ZNF654: variants seen among roughly 807,000 people sequenced by gnomAD.
ZNF654 encodes the protein zinc finger protein 654.
In ZNF654, 19 loss-of-function variants were observed where a neutral mutation model predicts 95.3. The observed-to-expected ratio is 0.20, with a 90% CI of 0.14 to 0.29. ZNF654 has a LOEUF of 0.29. ZNF654 is among the 10% of genes least tolerant of loss of function. The pLI, the probability that ZNF654 is intolerant of heterozygous loss-of-function variation, is 1.00. For synonymous variants in ZNF654, 413 were observed against 457.9 expected (o/e 0.90, Z 1.25); for missense variants, 1,046 against 1,341.0 (o/e 0.78, Z 3.44).
chr3:88,095,376 G>C (rs1299702176), intron 2 of ZNF654: 1 of 328,368 alleles, frequency 3.0e-6, no homozygotes, highest in African/African-American at 2.2e-5. Context: ...AATGTATTAT[G>C]TACTAAGAGA....
At chr3:88,091,805 C>T (rs1708645784) in intron 2 of ZNF654, among the ~76,000 whole-genome samples, 1 of 152,164 alleles carries the variant, frequency 6.6e-6, no homozygotes, top group Non-Finnish European at 1.5e-5. Context: ...GTAAGACATG[C>T]CTTTGTTCCT....
At chr3:88,079,973 T>C (rs1707997996) in intron 1 of ZNF654, among the ~76,000 whole-genome samples, 1 of 152,218 alleles carries the variant, frequency 6.6e-6, no homozygotes, top group East Asian at 1.9e-4. Flanking sequence ...AAACATGACT[T>C]TTAGATTTCC....
intron 1 of ZNF654, among the ~76,000 whole-genome samples, chr3:88,067,479 T>C (rs1707265260): frequency 6.6e-6 from 1 of 152,110 alleles, no homozygotes; most frequent in Non-Finnish European, 1.5e-5. Flanking sequence ...GAAAGTAGAC[T>C]AGGAAAAGGA....
intron 2 of ZNF654, among the ~76,000 whole-genome samples, chr3:88,106,873 T>C (rs7643923): frequency 0.78 from 119,131 of 152,064 alleles, 47,591 homozygotes; most frequent in South Asian, 0.91. Context: ...AAGAAGTGAA[T>C]TTTTCCCTGA....
chr3:88,140,677 G>A lies in ZNF654; in HGVS notation c.3008G>A (p.Arg1003Lys), dbSNP rs780152251. Residue 1003 changes from arginine to lysine, a missense_variant, in exon 8 of 9, where the codon AGG becomes AAG. Around this residue, in one of 9 missense-constraint regions of ZNF654, gnomAD observed 495 missense variants for 537.0 expected, o/e 0.92. Transcript: ENST00000636215. Reference sequence around the variant, plus strand: ...TTGAAAATTGATACAAACAGAATCAGGACAGAAAATGGTTCCATTTTGCCC... The same window carrying A: ...TTGAAAATTGATACAAACAGAATCAAGACAGAAAATGGTTCCATTTTGCCC... ...PALKIDTNRI[R>K]TENGSILPSV... 4 of 1,613,586 alleles carry A rather than the reference G, an allele frequency of 2.5e-6. No homozygotes were observed.
rs544969136 is a variant in ZNF654 at position 88,081,141 on chromosome 3, G to A, written c.187-5116G>A. 5.9e-5 allele frequency among the ~76,000 whole-genome samples: 9 copies of A among 152,156 alleles called. No individual in the cohort carries two copies. The East Asian group carries it at 9.6e-4, about 16-fold the overall frequency. ...GGGTTTGTCTGATGTTTGTTTTCTC[G>A]TGATGGGAATCAATCTATGCATTTT... On this transcript the variant is annotated intron_variant, in intron 1 of 8. Transcript: ENST00000636215.
intron 2 of ZNF654, among the ~76,000 whole-genome samples, chr3:88,106,904 G>A (rs1008547770): frequency 1.3e-5 from 2 of 152,004 alleles, no homozygotes; most frequent in African/African-American, 2.4e-5. Flanking sequence ...TGTTTTTATC[G>A]TATACTAAAT....
Position 88,139,954 on chromosome 3 carries a change from T to C in ZNF654, c.2285T>C (p.Phe762Ser), listed in dbSNP as rs1263765063. ...GCVRIFKRIGFLNKHAMTVHP... is the reference protein window; with the variant it reads ...GCVRIFKRIGSLNKHAMTVHP... ...GTCCGGATATTTAAAAGAATTGGGT[T>C]TCTAAATAAACATGCAATGACCGTA... Residue 762 changes from phenylalanine to serine, a missense_variant, in exon 8 of 9, where the codon TTT becomes TCT. By Grantham distance (155) the Phe-to-Ser change is radical. This residue lies in a region of ZNF654 where 495 missense variants were observed against 537.0 expected (regional missense o/e 0.92). Transcript: ENST00000636215. The C allele has an allele frequency of 1.2e-6, 2 of 1,613,554 alleles. No individual in the cohort carries two copies. Among genetic ancestry groups the C allele is most frequent in the Non-Finnish European group, 1.7e-6 (2 of 1,179,796 alleles).
chr3:88,126,809 A>C (rs1183923487), intron 4 of ZNF654, among the ~76,000 whole-genome samples: 1 of 152,122 alleles, frequency 6.6e-6, no homozygotes, highest in African/African-American at 2.4e-5. Flanking sequence ...TGAGTGAATA[A>C]GTGACTAACT....
chr3:88,087,856 G>A (rs1258860574), intron 2 of ZNF654, among the ~76,000 whole-genome samples: 2 of 152,134 alleles, frequency 1.3e-5, no homozygotes, highest in Non-Finnish European at 2.9e-5. Flanking sequence ...TAGAGGTTGA[G>A]TATCCCTAAT....
chr3:88,113,021 A>G (rs893564122), intron 2 of ZNF654, 94 bp from the exon 3 acceptor site: 4 of 771,538 alleles, frequency 5.2e-6, no homozygotes, highest in Non-Finnish European at 7.9e-6. Flanking sequence ...TTTTAAGTCA[A>G]ATATTGATAT....
rs986083938 is a variant in ZNF654, at chr3:88,143,450, A to G, written c.*1798A>G. The G allele has an allele frequency of 1.3e-5, 2 of 152,308 alleles. No individual in the cohort carries two copies. Among genetic ancestry groups the G allele is most frequent in the Admixed American group, 6.6e-5 (1 of 15,250 alleles). The allele number at this position is 152,308 out of a possible 1,614,324, so 9.4% of individuals were successfully genotyped here. A position where few individuals can be genotyped will look rare whatever the true frequency, so the allele number is the denominator to read the frequency against. ...ATTTCTTGATACTAAAAATGTAATGATTTTTATTTTAGTTCATTCTAAAAG... is the reference window on the plus strand; with the variant it reads ...ATTTCTTGATACTAAAAATGTAATGGTTTTTATTTTAGTTCATTCTAAAAG... On this transcript the variant is annotated 3_prime_UTR_variant, in exon 9 of 9. Coordinates refer to ENST00000636215, the MANE Select transcript of ZNF654 (RefSeq NM_001350134.2).
intron 1 of ZNF654, among the ~76,000 whole-genome samples, chr3:88,078,852 A>G (rs1334966664): frequency 1.3e-5 from 2 of 152,082 alleles, no homozygotes; most frequent in Non-Finnish European, 2.9e-5. Flanking sequence ...ATACTGATTA[A>G]TGGTTCTAAG....
rs1707203666 is a variant in ZNF654, at chr3:88,143,043, C to G, written c.*1391C>G. 1 of 152,148 alleles carries G rather than the reference C, an allele frequency of 6.6e-6. No homozygotes were observed. The highest frequency in any genetic ancestry group is 1.5e-5 in the Non-Finnish European group (1 of 67,746). 9.4% of individuals were successfully genotyped at this position (152,148 alleles called of 1,614,324 possible). ...AAGGCAGTGTTTCAAAACAGATCTCCTAATGTCCCAATGTCAAATATTCCA... is the reference window on the plus strand; with the variant it reads ...AAGGCAGTGTTTCAAAACAGATCTCGTAATGTCCCAATGTCAAATATTCCA... On this transcript the variant is annotated 3_prime_UTR_variant, in exon 9 of 9. Coordinates refer to ENST00000636215, the MANE Select transcript of ZNF654 (RefSeq NM_001350134.2).
chr3:88,069,590 C>T (rs1707394805), intron 1 of ZNF654, among the ~76,000 whole-genome samples: 1 of 152,192 alleles, frequency 6.6e-6, no homozygotes, highest in Admixed American at 6.5e-5. Flanking sequence ...CACTATATCC[C>T]CAGTGCCTTA....
At position 88,139,126 on chromosome 3, in the gene ZNF654, T is replaced by C. The variant is rs1163308546; in HGVS notation, c.1457T>C (p.Leu486Pro). 6.3e-6 allele frequency: 8 copies of C among 1,278,212 alleles called. No homozygotes were observed. The East Asian group carries it at 2.1e-4, about 34-fold the overall frequency. The allele number at this position is 1,278,212 out of a possible 1,614,324, so 79.2% of individuals were successfully genotyped here. ...ACACTGGAAAATAATGCAGGTAATC[T>C]AAAAAGGACGGAGGAACAGCAAGGT... Reference protein sequence around the residue: ...ESTLENNAGNLKRTEEQQGLD... With the variant: ...ESTLENNAGNPKRTEEQQGLD... The change falls in exon 8 of 9, where the codon CTA becomes CCA. Residue 486 changes from leucine to proline, a missense_variant. Physicochemically the swap from Leu to Pro is moderately conservative, Grantham distance 98. Around this residue, in one of 9 missense-constraint regions of ZNF654, gnomAD observed 100 missense variants for 108.9 expected, o/e 0.92. Transcript: ENST00000636215.
intron 1 of ZNF654, among the ~76,000 whole-genome samples, chr3:88,084,360 C>T (rs1183462995): frequency 6.6e-6 from 1 of 152,010 alleles, no homozygotes; most frequent in African/African-American, 2.4e-5. Flanking sequence ...TATGTGGCAC[C>T]GGAGTAGGGG....
At position 88,091,724 on chromosome 3, in the gene ZNF654, A is replaced by G. The variant is rs1025810203; in HGVS notation, c.332+5322A>G. Among the ~76,000 whole-genome samples the G allele has an allele frequency of 2.0e-5, 3 of 152,244 alleles. No homozygotes were observed. The South Asian group carries it at 6.2e-4, about 32-fold the overall frequency. The stretch of plus-strand genomic sequence containing the variant: ...TCCTGTGCTGTTCTCATGATAGTGA[A>G]TAAGTCTCATGAGATCTGATGGTTT... On this transcript the variant is annotated intron_variant, in intron 2 of 8. Transcript: ENST00000636215.
intron 6 of ZNF654, among the ~76,000 whole-genome samples, chr3:88,133,918 A>C (rs4414876): frequency 0.78 from 118,966 of 151,874 alleles, 47,510 homozygotes; most frequent in South Asian, 0.91. Flanking sequence ...AGGAATGTTT[A>C]GTGTCACTGC....
Sources: gnomAD v4.1 joint callset for allele counts (sites outside exome capture counted in the v4.1 genomes callset) on GRCh38, gnomAD v4.1.1 for gene constraint, gnomAD v4.1.1 regional missense constraint, MANE v1.5 for transcripts, NCBI Gene and HGNC (gene_info 2026-07-23, HGNC 2026-07-21) for gene names.